GPD2: variants seen among roughly 807,000 people sequenced by gnomAD.
The protein encoded by GPD2 is glycerol-3-phosphate dehydrogenase 2, also known as glycerol-3-phosphate dehydrogenase, mitochondrial.
GPD2 carries 54 observed loss-of-function variants against 82.4 expected under a neutral mutation model. The ratio of observed to expected loss-of-function variants is 0.66; its 90% CI spans 0.53 to 0.82. The LOEUF is 0.82. Among genes scored for constraint, GPD2 ranks in the 40% least tolerant of loss-of-function variants. The probability of loss-of-function intolerance (pLI) is 0.00; values close to 1 mark genes in which losing one functional copy is unlikely to be tolerated. For synonymous variants in GPD2, 288 were observed against 306.1 expected (o/e 0.94, Z 0.62); for missense variants, 748 against 896.2 (o/e 0.83, Z 2.11).
rs1459906793 is a variant in GPD2 at position 156,445,853 on chromosome 2, G to A, written c.-9+9340G>A. 2.0e-5 allele frequency among the ~76,000 whole-genome samples: 3 copies of A among 152,174 alleles called. No homozygotes were observed. In the East Asian group the frequency reaches 5.8e-4, roughly 29 times the overall value. ...AGGCATTTCTTTATTAAAAGATGAT[G>A]GTTAGTGGTTAGGGTAGGCTCAACC... On this transcript the variant is annotated intron_variant, in intron 1 of 16. Transcript: ENST00000438166.
At chr2:156,454,148 T>G (rs976083035) in intron 1 of GPD2, among the ~76,000 whole-genome samples, 1 of 151,970 alleles carries the variant, frequency 6.6e-6, no homozygotes, top group African/African-American at 2.4e-5. Context: ...ATGAACAGAG[T>G]CGTTACTCAA....
At chr2:156,559,662 G>A (rs1332832468) in intron 9 of GPD2, among the ~76,000 whole-genome samples, 1 of 152,064 alleles carries the variant, frequency 6.6e-6, no homozygotes, top group African/African-American at 2.4e-5. Context: ...CTAAAGTAAT[G>A]GATGTAATTT....
chr2:156,434,930 A>C (rs1232653104), upstream of GPD2, among the ~76,000 whole-genome samples: 1 of 152,202 alleles, frequency 6.6e-6, no homozygotes, highest in Non-Finnish European at 1.5e-5. Context: ...GTTTTAAAAT[A>C]CAAGGACTTG....
Position 156,578,887 on chromosome 2 carries a change from A to C in GPD2, c.1768-2A>C, listed in dbSNP as rs369587156. The C allele has an allele frequency of 5.8e-6, 9 of 1,541,504 alleles. No individual in the cohort carries two copies. In the African/African-American group the frequency reaches 1.1e-4, roughly 19 times the overall value. On this transcript the variant is annotated splice_acceptor_variant, in intron 13 of 16. Coordinates refer to ENST00000438166, the MANE Select transcript of GPD2 (RefSeq NM_000408.5). LOFTEE classifies it high-confidence loss of function. ...TGAACTTTGTGTGTATCTCTGTTTTAGGAACAACTTGAAACAGCCAGGAAG... is the reference window on the plus strand; with the variant it reads ...TGAACTTTGTGTGTATCTCTGTTTTCGGAACAACTTGAAACAGCCAGGAAG...
intron 2 of GPD2, among the ~76,000 whole-genome samples, chr2:156,484,558 G>A (rs560693660): frequency 6.6e-6 from 1 of 152,238 alleles, no homozygotes; most frequent in East Asian, 1.9e-4. Context: ...TTTCCTTGAT[G>A]GCCAGTTGAG....
intron 1 of GPD2, among the ~76,000 whole-genome samples, chr2:156,443,893 T>C (rs77833500): frequency 1.3e-5 from 2 of 152,344 alleles, no homozygotes; most frequent in Admixed American, 6.5e-5. Context: ...AAAATTACCT[T>C]GTCCCCCTTA....
rs779144766 is a variant in GPD2, at chr2:156,579,020, T to A, written c.1880+19T>A. The A allele has an allele frequency of 1.3e-6, 2 of 1,552,210 alleles. No homozygotes were observed. Among genetic ancestry groups the A allele is most frequent in the South Asian group, 2.2e-5 (2 of 89,798 alleles). ...TTGACAGGTACTTATAATAAGTGTC[T>A]ATCTATCTCTCTTTTTTTTTGGCCT... On this transcript the variant is annotated intron_variant, in intron 14 of 16. Coordinates refer to ENST00000438166, the MANE Select transcript of GPD2 (RefSeq NM_000408.5).
At chr2:156,408,089 G>A in the GPD2 span, among the ~76,000 whole-genome samples, 1 of 151,356 alleles carries the variant, frequency 6.6e-6, no homozygotes, top group Non-Finnish European at 1.5e-5. Flanking sequence ...CCGAGGAGCT[G>A]AGACTACAGG....
the GPD2 span, among the ~76,000 whole-genome samples, chr2:156,408,209 C>A: frequency 6.6e-6 from 1 of 151,980 alleles, no homozygotes; most frequent in Non-Finnish European, 1.5e-5. Context: ...CCCACCTTGG[C>A]CTCCCAAACT....
At chr2:156,486,488 T>C (rs1683945485) in intron 2 of GPD2, among the ~76,000 whole-genome samples, 1 of 152,230 alleles carries the variant, frequency 6.6e-6, no homozygotes, top group South Asian at 2.1e-4. Flanking sequence ...TATCTATTCA[T>C]TTTAAGGCCT....
intron 13 of GPD2, among the ~76,000 whole-genome samples, chr2:156,577,552 C>T (rs1253904483): frequency 6.6e-6 from 1 of 152,106 alleles, no homozygotes; most frequent in African/African-American, 2.4e-5. Flanking sequence ...CATAACCAAA[C>T]ACATATAAAC....
chr2:156,403,615 G>A, the GPD2 span, among the ~76,000 whole-genome samples: 2 of 151,058 alleles, frequency 1.3e-5, no homozygotes, highest in African/African-American at 4.9e-5. Flanking sequence ...TTCAAAGGGT[G>A]TGTGTGTGTG....
intron 1 of GPD2, among the ~76,000 whole-genome samples, chr2:156,470,784 C>T (rs544137127): frequency 6.8e-4 from 103 of 152,298 alleles, no homozygotes; most frequent in Non-Finnish European, 1.1e-3. Context: ...ACAAGGACAT[C>T]TAAGAATTCA....
intron 1 of GPD2, among the ~76,000 whole-genome samples, chr2:156,453,792 G>A (rs950599686): frequency 4.6e-5 from 7 of 152,124 alleles, no homozygotes; most frequent in South Asian, 4.1e-4. Context: ...CAGGAGAATC[G>A]CTTGAACCCG....
chr2:156,469,939 A>G (rs1225215356), intron 1 of GPD2, among the ~76,000 whole-genome samples: 2 of 152,204 alleles, frequency 1.3e-5, no homozygotes, highest in African/African-American at 2.4e-5. Flanking sequence ...GGGTTCTTGG[A>G]TCTCACACAA....
chr2:156,500,544 C>A (rs1277665311), intron 3 of GPD2, among the ~76,000 whole-genome samples: 2 of 152,132 alleles, frequency 1.3e-5, no homozygotes, highest in African/African-American at 4.8e-5. Context: ...ATCCATTAAT[C>A]TTTAGTCACA....
At chr2:156,526,288 C>A (rs1685604005) in intron 6 of GPD2, among the ~76,000 whole-genome samples, 1 of 152,068 alleles carries the variant, frequency 6.6e-6, no homozygotes, top group South Asian at 2.1e-4. Flanking sequence ...TACCACAAAA[C>A]AATGACACAT....
intron 8 of GPD2, among the ~76,000 whole-genome samples, chr2:156,552,595 T>G (rs750428594): frequency 1.1e-4 from 16 of 152,238 alleles, no homozygotes; most frequent in Non-Finnish European, 2.1e-4. Context: ...GTGTGCCTTA[T>G]GTTTTCTTCA....
the GPD2 span, among the ~76,000 whole-genome samples, chr2:156,410,120 T>G: frequency 6.6e-6 from 1 of 152,188 alleles, no homozygotes; most frequent in South Asian, 2.1e-4. Context: ...AGCTTTTTGC[T>G]TTTATTTATT....
Sources: gnomAD v4.1 joint callset for allele counts (sites outside exome capture counted in the v4.1 genomes callset) on GRCh38, gnomAD v4.1.1 for gene constraint, MANE v1.5 for transcripts, NCBI Gene and HGNC (gene_info 2026-07-23, HGNC 2026-07-21) for gene names.